Variants in TENM2 observed in about 807,000 individuals in gnomAD.
TENM2 encodes teneurin-2.
TENM2 carries 52 observed loss-of-function variants against 245.2 expected under a neutral mutation model. The ratio of observed to expected loss-of-function variants is 0.21; its 90% CI spans 0.17 to 0.27. The LOEUF (loss-of-function observed/expected upper bound fraction) is 0.27, where lower values mean the gene tolerates loss of function less well. Ranked by LOEUF, TENM2 falls within the 10% of genes least tolerant of loss-of-function variation. The probability of loss-of-function intolerance (pLI) is 1.00; values close to 1 mark genes in which losing one functional copy is unlikely to be tolerated. For missense variants in TENM2, 3,046 were observed against 3,666.8 expected (o/e 0.83, Z 4.37); for synonymous variants, 1,363 against 1,438.9 (o/e 0.95, Z 1.19).
At chr5:167,171,070 T>C in the TENM2 span, among the ~76,000 whole-genome samples, 1 of 152,152 alleles carries the variant, frequency 6.6e-6, no homozygotes, top group Non-Finnish European at 1.5e-5. Context: ...ATCCGGGTGA[T>C]TGCATCCTGG....
intron 2 of TENM2, among the ~76,000 whole-genome samples, chr5:167,431,822 T>G (rs988953933): frequency 3.3e-5 from 5 of 151,100 alleles, no homozygotes; most frequent in African/African-American, 1.2e-4. Flanking sequence ...CTATGTCATA[T>G]GAATAAAATA....
intron 2 of TENM2, among the ~76,000 whole-genome samples, chr5:167,707,441 T>TTTTGC (rs1234333000): frequency 3.9e-5 from 6 of 152,218 alleles, no homozygotes; most frequent in Non-Finnish European, 8.8e-5. Context: ...ACTTATCTAT[T>TTTTGC]TTTGCTTCTG....
At position 168,143,180 on chromosome 5, in the gene TENM2, T is replaced by A. The variant is rs145200460; in HGVS notation, c.2422+16214T>A. Reference sequence around the variant, plus strand: ...CTTGAACAAGGGATTTTTTGGCCTGTGACCTAGTGCATAATTTGCAGTGGG... The same window carrying A: ...CTTGAACAAGGGATTTTTTGGCCTGAGACCTAGTGCATAATTTGCAGTGGG... On this transcript the variant is annotated intron_variant, in intron 12 of 28. Coordinates refer to ENST00000518659, the Ensembl canonical transcript of TENM2. Among the ~76,000 whole-genome samples, 39 of 152,078 alleles carry A rather than the reference T, an allele frequency of 2.6e-4. No homozygotes were observed. The East Asian group carries it at 6.4e-3, about 25-fold the overall frequency.
At chr5:166,989,923 T>G in the TENM2 span, among the ~76,000 whole-genome samples, 1 of 151,460 alleles carries the variant, frequency 6.6e-6, no homozygotes, top group Non-Finnish European at 1.5e-5. Context: ...TAGAATTCCT[T>G]TTGGTATCAT....
chr5:168,152,649 A>C (rs1420807651), intron 12 of TENM2, among the ~76,000 whole-genome samples: 1 of 152,208 alleles, frequency 6.6e-6, no homozygotes, highest in East Asian at 1.9e-4. Context: ...AAGCTGCACA[A>C]GGTACAACAA....
chr5:168,105,742 C>T (rs1022842627), intron 9 of TENM2, among the ~76,000 whole-genome samples: 4 of 152,088 alleles, frequency 2.6e-5, no homozygotes, highest in African/African-American at 9.7e-5. Flanking sequence ...TAACATTTTC[C>T]ATCAGGCACC....
Position 167,322,606 on chromosome 5 carries a change from T to C in TENM2, c.226+37543T>C, listed in dbSNP as rs185743632. Among the ~76,000 whole-genome samples, 161 of 152,318 alleles carry C rather than the reference T, an allele frequency of 1.1e-3. 1 individual carries two copies. Among genetic ancestry groups the C allele is most frequent in the Non-Finnish European group, 1.8e-3 (121 of 68,028 alleles). ...CTTAATTACCTTTTCCCTCCCCCTT[T>C]TTTTTTAAATCTCCCCATTCTTCCT... On this transcript the variant is annotated intron_variant, in intron 1 of 28. Coordinates refer to ENST00000518659, the Ensembl canonical transcript of TENM2.
At chr5:167,641,255 C>T (rs1021736083) in intron 2 of TENM2, among the ~76,000 whole-genome samples, 3 of 151,992 alleles carry the variant, frequency 2.0e-5, no homozygotes, top group Non-Finnish European at 2.9e-5. Flanking sequence ...CAATACGTGT[C>T]GCCTACTTAT....
intron 2 of TENM2, among the ~76,000 whole-genome samples, chr5:167,800,372 G>A (rs777540974): frequency 7.2e-5 from 11 of 152,160 alleles, no homozygotes; most frequent in Non-Finnish European, 1.0e-4. Flanking sequence ...CTGAGAAAAC[G>A]AATGGAAGTC....
At chr5:168,063,048 A>G (rs1243071161) in intron 7 of TENM2, among the ~76,000 whole-genome samples, 1 of 152,208 alleles carries the variant, frequency 6.6e-6, no homozygotes, top group African/African-American at 2.4e-5. Context: ...AATAAATGCT[A>G]ATATCCCAAC....
At chr5:167,627,150 T>C (rs1171192511) in intron 2 of TENM2, among the ~76,000 whole-genome samples, 1 of 152,168 alleles carries the variant, frequency 6.6e-6, no homozygotes, top group Non-Finnish European at 1.5e-5. Flanking sequence ...AACCCATCCA[T>C]TTTCCAAAAG....
chr5:167,123,799 G>C, the TENM2 span, among the ~76,000 whole-genome samples: 1 of 152,156 alleles, frequency 6.6e-6, no homozygotes, highest in Non-Finnish European at 1.5e-5. Flanking sequence ...GAAAGGAAAT[G>C]ATTCTGCCAA....
At chr5:167,972,315 T>G (rs991926861) in intron 4 of TENM2, among the ~76,000 whole-genome samples, 6 of 152,218 alleles carry the variant, frequency 3.9e-5, no homozygotes, top group Non-Finnish European at 8.8e-5. Context: ...AATGGAATCA[T>G]ATACATATCA....
chr5:167,222,660 C>T, the TENM2 span, among the ~76,000 whole-genome samples: 2 of 152,090 alleles, frequency 1.3e-5, no homozygotes, highest in East Asian at 1.9e-4. Context: ...TTTGGCTGCT[C>T]GGAAACATGC....
the TENM2 span, among the ~76,000 whole-genome samples, chr5:167,271,604 C>T: frequency 6.6e-6 from 1 of 152,122 alleles, no homozygotes; most frequent in African/African-American, 2.4e-5. Context: ...CCCTTTGTGG[C>T]TTTTGTTGAT....
intron 9 of TENM2, among the ~76,000 whole-genome samples, chr5:168,104,546 G>A (rs2617969): frequency 0.11 from 16,486 of 152,140 alleles, 1,222 homozygotes; most frequent in East Asian, 0.32. Context: ...ACATCCAAGC[G>A]ACCGGGTATG....
At chr5:167,337,536 T>A (rs1275185645) in intron 1 of TENM2, among the ~76,000 whole-genome samples, 3 of 152,106 alleles carry the variant, frequency 2.0e-5, no homozygotes, top group Non-Finnish European at 4.4e-5. Context: ...ATAAAATGAT[T>A]TGGGAATGTA....
chr5:167,732,687 G>A (rs754557185), intron 2 of TENM2, among the ~76,000 whole-genome samples: 8 of 152,040 alleles, frequency 5.3e-5, no homozygotes, highest in Non-Finnish European at 1.0e-4. Flanking sequence ...TATTGTGCAC[G>A]GATGATTTTC....
intron 12 of TENM2, among the ~76,000 whole-genome samples, chr5:168,156,253 A>AAAAAAAAAC (rs1554210130): frequency 2.0e-5 from 3 of 149,554 alleles, no homozygotes; most frequent in African/African-American, 7.5e-5. Flanking sequence ...TAGTTAAAAA[A>AAAAAAAAAC]AAAAAAAAAA....
Sources: allele counts gnomAD v4.1 joint callset (sites outside exome capture counted in the v4.1 genomes callset), GRCh38; gene constraint gnomAD v4.1.1; transcripts MANE v1.5; gene names NCBI Gene and HGNC (gene_info 2026-07-23, HGNC 2026-07-21).